The following PLCE1 variants were observed in gnomAD, a reference collection of about 807,000 sequenced individuals.
PLCE1 encodes the protein 1-phosphatidylinositol 4,5-bisphosphate phosphodiesterase epsilon-1.
In PLCE1, 119 loss-of-function variants were observed where a neutral mutation model predicts 242.8. The observed-to-expected ratio is 0.49, with a 90% CI of 0.42 to 0.57. PLCE1 has a LOEUF of 0.57. PLCE1 is among the 20% of genes least tolerant of loss of function. The pLI is 0.00. For missense variants in PLCE1, 2,441 were observed against 2,788.8 expected (o/e 0.88, Z 2.81); for synonymous variants, 945 against 1,017.4 (o/e 0.93, Z 1.35).
At chr10:94,033,598 G>T (rs1032892064) in intron 2 of PLCE1, among the ~76,000 whole-genome samples, 2 of 151,952 alleles carry the variant, frequency 1.3e-5, no homozygotes, top group Admixed American at 6.6e-5. Context: ...TCCTCAACCA[G>T]ATTTCCAGGT....
intron 7 of PLCE1, among the ~76,000 whole-genome samples, chr10:94,238,632 A>G (rs2050401490): frequency 6.6e-6 from 1 of 152,198 alleles, no homozygotes; most frequent in Non-Finnish European, 1.5e-5. Flanking sequence ...TTTATTTACC[A>G]GCATAAAGAA....
chr10:94,124,553 T>C (rs1381569472), intron 2 of PLCE1, among the ~76,000 whole-genome samples: 1 of 152,168 alleles, frequency 6.6e-6, no homozygotes, highest in Non-Finnish European at 1.5e-5. Flanking sequence ...TTCAGTTATT[T>C]GCCCAGTATC....
At chr10:94,191,308 G>T (rs988827890) in intron 4 of PLCE1, among the ~76,000 whole-genome samples, 2 of 151,946 alleles carry the variant, frequency 1.3e-5, no homozygotes, top group Non-Finnish European at 2.9e-5. Context: ...GACCCCCCCT[G>T]CCCCAAACAG....
chr10:94,307,836 G>A (rs144804714), intron 26 of PLCE1, among the ~76,000 whole-genome samples: 523 of 152,180 alleles, frequency 3.4e-3, no homozygotes, highest in African/African-American at 0.012. Context: ...ACACAAGAAT[G>A]GGGAGTATAG....
intron 1 of PLCE1, among the ~76,000 whole-genome samples, chr10:94,002,510 G>C (rs1461596170): frequency 1.3e-5 from 2 of 152,058 alleles, no homozygotes; most frequent in Non-Finnish European, 2.9e-5. Flanking sequence ...ACCCATTTAG[G>C]AGATACTCAT....
intron 4 of PLCE1, among the ~76,000 whole-genome samples, chr10:94,178,187 G>A (rs2689694): frequency 0.3 from 45,280 of 152,002 alleles, 7,604 homozygotes; most frequent in Non-Finnish European, 0.39. Flanking sequence ...ATCTCTGGCT[G>A]GAAAGTGATT....
At chr10:94,119,192 A>G (rs959512982) in intron 2 of PLCE1, among the ~76,000 whole-genome samples, 25 of 152,198 alleles carry the variant, frequency 1.6e-4, no homozygotes, top group Admixed American at 1.4e-3. Context: ...TTTTATTAAT[A>G]AAAGGAAACC....
At chr10:94,064,432 C>T (rs1031185798) in intron 2 of PLCE1, among the ~76,000 whole-genome samples, 5 of 152,116 alleles carry the variant, frequency 3.3e-5, no homozygotes, top group Middle Eastern at 3.2e-3. Context: ...GTCCCAACTA[C>T]TCAGGAGGCT....
At chr10:94,105,705 C>T (rs1444838333) in intron 2 of PLCE1, 1 of 152,198 alleles carries the variant, frequency 6.6e-6, no homozygotes, top group Non-Finnish European at 1.5e-5. Flanking sequence ...AAAGGCTCCT[C>T]ATTTCCTACT....
intron 7 of PLCE1, among the ~76,000 whole-genome samples, chr10:94,239,649 C>T (rs1012679914): frequency 2.6e-5 from 4 of 152,198 alleles, no homozygotes; most frequent in Non-Finnish European, 5.9e-5. Context: ...CAGTCATCCT[C>T]CTCTCCCTTA....
intron 13 of PLCE1, among the ~76,000 whole-genome samples, chr10:94,260,883 A>C (rs2051272597): frequency 6.6e-6 from 1 of 152,122 alleles, no homozygotes; most frequent in Non-Finnish European, 1.5e-5. Context: ...TGGAAAGTAC[A>C]GAGTTCCAAT....
intron 11 of PLCE1, among the ~76,000 whole-genome samples, chr10:94,255,956 TCCCCACCCCTCC>T (rs1589428340): frequency 8.4e-6 from 1 of 118,636 alleles, no homozygotes; most frequent in East Asian, 2.6e-4. Context: ...TCTCTCTCTC[TCCCCACCCCTCC>T]CTCTCTCCCC....
intron 5 of PLCE1, among the ~76,000 whole-genome samples, chr10:94,233,208 T>C (rs2050202076): frequency 1.3e-5 from 2 of 152,198 alleles, no homozygotes; most frequent in Admixed American, 1.3e-4. Context: ...AAAGTCCCAC[T>C]TAACATCCTG....
At chr10:94,221,979 T>C (rs1303519299) in intron 4 of PLCE1, among the ~76,000 whole-genome samples, 1 of 152,110 alleles carries the variant, frequency 6.6e-6, no homozygotes, top group Non-Finnish European at 1.5e-5. Flanking sequence ...TTTTCCCAAA[T>C]ATAATCCCTG....
chr10:94,026,128 T>A (rs892422258), intron 1 of PLCE1, among the ~76,000 whole-genome samples: 5 of 152,164 alleles, frequency 3.3e-5, no homozygotes, highest in African/African-American at 1.2e-4. Context: ...ATCAACAGGA[T>A]TATTCCTGGC....
intron 2 of PLCE1, among the ~76,000 whole-genome samples, chr10:94,065,252 G>C (rs953155484): frequency 6.7e-6 from 1 of 150,176 alleles, no homozygotes; most frequent in African/African-American, 2.4e-5. Context: ...CCACCAATTT[G>C]GTCCCAGACT....
intron 2 of PLCE1, among the ~76,000 whole-genome samples, chr10:94,045,833 G>A (rs1310936618): frequency 1.3e-5 from 2 of 152,238 alleles, no homozygotes; most frequent in East Asian, 3.9e-4. Flanking sequence ...AGGCGCGGTG[G>A]CTCACGCCTG....
intron 28 of PLCE1, among the ~76,000 whole-genome samples, chr10:94,314,645 C>T (rs1465377120): frequency 6.6e-6 from 1 of 152,096 alleles, no homozygotes; most frequent in Non-Finnish European, 1.5e-5. Context: ...CTAAAGGAAG[C>T]AATGACCAAG....
At chr10:94,320,991 C>T (rs1175284527) in intron 29 of PLCE1, among the ~76,000 whole-genome samples, 3 of 152,114 alleles carry the variant, frequency 2.0e-5, no homozygotes, top group Admixed American at 1.3e-4. Flanking sequence ...CGCTTCTGTA[C>T]TGTTTGAAAA....
Sources: allele counts gnomAD v4.1 joint callset (sites outside exome capture counted in the v4.1 genomes callset), GRCh38; gene constraint gnomAD v4.1.1; transcripts MANE v1.5; gene names NCBI Gene and HGNC (gene_info 2026-07-23, HGNC 2026-07-21).